Variants in TBC1D12 observed in about 807,000 individuals in gnomAD.
The protein encoded by TBC1D12 is TBC1 domain family, member 12.
In TBC1D12, 56 loss-of-function variants were observed where a neutral mutation model predicts 86.7. That is an observed-to-expected ratio of 0.65 (90% confidence interval 0.52 to 0.81). The LOEUF (loss-of-function observed/expected upper bound fraction) is 0.81, where lower values mean the gene tolerates loss of function less well. Ranked by LOEUF, TBC1D12 falls within the 30% of genes least tolerant of loss-of-function variation. TBC1D12 has a pLI of 0.00. For missense variants in TBC1D12, 1,023 were observed against 1,038.8 expected (o/e 0.98, Z 0.21); for synonymous variants, 421 against 411.7 (o/e 1.02, Z -0.27).
intron 1 of TBC1D12, among the ~76,000 whole-genome samples, chr10:94,433,247 G>T (rs1003982035): frequency 6.6e-6 from 1 of 152,012 alleles, no homozygotes; most frequent in Non-Finnish European, 1.5e-5. Flanking sequence ...GCCTCCCGAG[G>T]AGCTGGGATT....
At chr10:94,490,276 T>C (rs901901607) in intron 3 of TBC1D12, among the ~76,000 whole-genome samples, 2 of 151,446 alleles carry the variant, frequency 1.3e-5, no homozygotes, top group African/African-American at 4.9e-5. Context: ...AAAAAAGAAA[T>C]ATTGCAAGAA....
At chr10:94,478,423 T>C (rs1425854318) in intron 3 of TBC1D12, among the ~76,000 whole-genome samples, 1 of 151,796 alleles carries the variant, frequency 6.6e-6, no homozygotes, top group Non-Finnish European at 1.5e-5. Flanking sequence ...AAACTGGAAA[T>C]GTAGGCCAGG....
chr10:94,465,655 A>AATAT lies in TBC1D12; in HGVS notation c.1096-9000_1096-8997dup, dbSNP rs753424064. Among the ~76,000 whole-genome samples, 172 of 106,718 alleles carry AATAT rather than the reference A, an allele frequency of 1.6e-3. 1 individual carries two copies. Among genetic ancestry groups the AATAT allele is most frequent in the East Asian group, 0.015 (35 of 2,372 alleles). 70.0% of individuals were successfully genotyped at this position (106,718 alleles called of 152,430 possible). A position where few individuals can be genotyped will look rare whatever the true frequency, so the allele number is the denominator to read the frequency against. ...AGCAAGACTCTTGCCTAAAAAAAAAAATATATATATATATATGTGTGTGTG... is the reference window on the plus strand; with the variant it reads ...AGCAAGACTCTTGCCTAAAAAAAAAAATATATATATATATATATATGTGTGTGTG... On this transcript the variant is annotated intron_variant, in intron 2 of 12. Transcript: ENST00000225235.
At chr10:94,486,223 C>T (rs1296629126) in intron 3 of TBC1D12, among the ~76,000 whole-genome samples, 1 of 142,748 alleles carries the variant, frequency 7.0e-6, no homozygotes, top group Non-Finnish European at 1.5e-5. Context: ...ATATGACTTA[C>T]TGCAGCCTTG....
chr10:94,452,145 C>T (rs190503541), intron 2 of TBC1D12, among the ~76,000 whole-genome samples: 20 of 151,278 alleles, frequency 1.3e-4, no homozygotes, highest in Non-Finnish European at 2.7e-4. Context: ...AAAACTATGG[C>T]AGTTGTAGGT....
chr10:94,473,659 A>C (rs1444601067), intron 2 of TBC1D12, among the ~76,000 whole-genome samples: 1 of 152,196 alleles, frequency 6.6e-6, no homozygotes, highest in Non-Finnish European at 1.5e-5. Context: ...GAATGTAATG[A>C]AAAATATAAC....
In TBC1D12 at chr10:94,416,763, C is replaced by G. The variant is rs943981186; in HGVS notation, c.971+13179C>G. ...GAGGAAGGGGTGATTAACTTTGAGA[C>G]AGGAAGTTAGGAACTTTACAGTAGA... On this transcript the variant is annotated intron_variant, in intron 1 of 12. Coordinates refer to ENST00000225235, the MANE Select transcript of TBC1D12 (RefSeq NM_015188.2). 3.3e-5 allele frequency among the ~76,000 whole-genome samples: 5 copies of G among 152,080 alleles called. No homozygotes were observed. The East Asian group carries it at 9.6e-4, about 29-fold the overall frequency.
chr10:94,419,696 A>C (rs1440678532), intron 1 of TBC1D12, among the ~76,000 whole-genome samples: 1 of 152,172 alleles, frequency 6.6e-6, no homozygotes, highest in Non-Finnish European at 1.5e-5. Context: ...ACTTAGAAGC[A>C]GCTCATATAG....
intron 9 of TBC1D12, among the ~76,000 whole-genome samples, chr10:94,513,812 G>A (rs919078641): frequency 6.6e-6 from 1 of 152,026 alleles, no homozygotes; most frequent in South Asian, 2.1e-4. Flanking sequence ...GCCTGCATTG[G>A]TCTCCCATAG....
chr10:94,416,378 G>GCCTATT (rs2054998002), intron 1 of TBC1D12, among the ~76,000 whole-genome samples: 2 of 152,136 alleles, frequency 1.3e-5, no homozygotes, highest in African/African-American at 4.8e-5. Context: ...AGCCTATTGA[G>GCCTATT]GGTATTAGTT....
chr10:94,492,976 G>C lies in TBC1D12; in HGVS notation c.1212-389G>C, dbSNP rs574097417. Among the ~76,000 whole-genome samples the C allele has an allele frequency of 2.8e-4, 42 of 152,204 alleles. 1 individual carries two copies. In the South Asian group the frequency reaches 8.5e-3, roughly 31 times the overall value. On this transcript the variant is annotated intron_variant, in intron 3 of 12. Transcript: ENST00000225235. ...AAAATATTGACTGAAATCTGAAATG[G>C]ACTGGGCTCAGTGGCTCACACCTGT...
chr10:94,531,481 CT>C (rs1842416618), intron 12 of TBC1D12, 21 bp downstream of exon 12: 5 of 1,596,128 alleles, frequency 3.1e-6, no homozygotes, highest in Non-Finnish European at 4.3e-6. Flanking sequence ...ATTTTCTTAT[CT>C]TTAATAGATG....
At chr10:94,481,120 A>T (rs557337594) in intron 3 of TBC1D12, among the ~76,000 whole-genome samples, 57 of 150,194 alleles carry the variant, frequency 3.8e-4, no homozygotes, top group African/African-American at 1.4e-3. Context: ...TGCTGTAAAC[A>T]TGTCCTGTCA....
In TBC1D12 at chr10:94,403,510, C is replaced by A; in HGVS notation, c.897C>A (p.Pro299=). 1 of 1,559,632 alleles carries A rather than the reference C, an allele frequency of 6.4e-7. No homozygotes were observed. Among genetic ancestry groups the A allele is most frequent in the Non-Finnish European group, 8.7e-7 (1 of 1,155,722 alleles). The part of the protein sequence containing the change: ...LPPAGPPVPL[P]AAEQGPAGAS... ...CGGCGGGGCCGCCGGTGCCCTTGCC[C>A]GCCGCGGAGCAGGGTCCTGCGGGGG... Residue 299 remains proline (P), a synonymous_variant, in exon 1 of 13, where the codon CCC becomes CCA. Coordinates refer to ENST00000225235, the MANE Select transcript of TBC1D12 (RefSeq NM_015188.2).
intron 3 of TBC1D12, among the ~76,000 whole-genome samples, chr10:94,483,380 C>G (rs529761139): frequency 6.6e-6 from 1 of 152,196 alleles, no homozygotes; most frequent in Non-Finnish European, 1.5e-5. Flanking sequence ...TTACCACCAA[C>G]AGTGTACAAC....
chr10:94,410,262 A>G (rs2054912622), intron 1 of TBC1D12, among the ~76,000 whole-genome samples: 1 of 152,200 alleles, frequency 6.6e-6, no homozygotes, highest in South Asian at 2.1e-4. Flanking sequence ...ATGATATTCA[A>G]AGCTTTTCAC....
chr10:94,438,426 AT>A (rs2055335123), intron 1 of TBC1D12, among the ~76,000 whole-genome samples: 2 of 151,058 alleles, frequency 1.3e-5, no homozygotes, highest in Non-Finnish European at 3.0e-5. Context: ...TGTTCTAATA[AT>A]ACTTACAGTG....
intron 1 of TBC1D12, among the ~76,000 whole-genome samples, chr10:94,421,006 G>C (rs1285797272): frequency 6.6e-6 from 1 of 152,130 alleles, no homozygotes; most frequent in African/African-American, 2.4e-5. Context: ...GAGAACATTA[G>C]AAAACCCTCT....
intron 2 of TBC1D12, among the ~76,000 whole-genome samples, chr10:94,453,186 G>A (rs576573712): frequency 6.6e-6 from 1 of 152,114 alleles, no homozygotes; most frequent in Admixed American, 6.5e-5. Flanking sequence ...CCTTTGTCAG[G>A]CATGCCTTTG....
Sources: gnomAD v4.1 joint callset for allele counts (sites outside exome capture counted in the v4.1 genomes callset) on GRCh38, gnomAD v4.1.1 for gene constraint, MANE v1.5 for transcripts, NCBI Gene and HGNC (gene_info 2026-07-23, HGNC 2026-07-21) for gene names.